The following MAP3K20 variants were observed in gnomAD, a reference collection of about 807,000 sequenced individuals.
The protein encoded by MAP3K20 is HCCS-4.
MAP3K20 carries 40 observed loss-of-function variants against 85.7 expected under a neutral mutation model. The observed-to-expected ratio is 0.47, with a 90% confidence interval of 0.36 to 0.61. The LOEUF (loss-of-function observed/expected upper bound fraction) is 0.61. Among genes scored for constraint, MAP3K20 ranks in the 20% least tolerant of loss-of-function variants. MAP3K20 has a pLI of 0.00. For synonymous variants in MAP3K20, 325 were observed against 327.7 expected, an observed-to-expected ratio of 0.99 and a Z score of 0.09; for missense variants, 817 against 961.7, an observed-to-expected ratio of 0.85 and a Z score of 1.99.
intron 16 of MAP3K20, 62 bp from the exon 17 acceptor site, chr2:173,258,637 T>C (rs530546320): frequency 1.1e-6 from 1 of 927,190 alleles, no homozygotes; most frequent in African/African-American, 1.7e-5. Context: ...TTAGGAAATA[T>C]TGAGACTAAA....
intron 7 of MAP3K20, among the ~76,000 whole-genome samples, chr2:173,191,581 A>G (rs1023989556): frequency 6.6e-6 from 1 of 152,208 alleles, no homozygotes; most frequent in African/African-American, 2.4e-5. Flanking sequence ...AAAATCACCA[A>G]TAGATCTGCC....
intron 1 of MAP3K20, among the ~76,000 whole-genome samples, chr2:173,076,219 C>A (rs1042038972): frequency 4.0e-5 from 6 of 151,690 alleles, no homozygotes; most frequent in African/African-American, 1.5e-4. Context: ...GCGTTCGCGG[C>A]GCCCGGGAAG....
intron 2 of MAP3K20, among the ~76,000 whole-genome samples, chr2:173,145,060 A>T (rs1436480564): frequency 6.6e-6 from 1 of 152,224 alleles, no homozygotes; most frequent in East Asian, 1.9e-4. Context: ...TGACTTCTTT[A>T]TACCAAATGC....
chr2:173,160,496 GTTTTGT>G (rs943624027), intron 2 of MAP3K20: 1 of 152,056 alleles, frequency 6.6e-6, no homozygotes, highest in Non-Finnish European at 1.5e-5. Context: ...GCAGCATTTT[GTTTTGT>G]TTTTGACTCA....
At chr2:173,175,823 AGAGTAGACT>A (rs1281823954) in intron 3 of MAP3K20, among the ~76,000 whole-genome samples, 2 of 152,166 alleles carry the variant, frequency 1.3e-5, no homozygotes, top group Non-Finnish European at 2.9e-5. Flanking sequence ...TAGATGGTGA[AGAGTAGACT>A]GAGAGAATCT....
chr2:173,188,278 T>TAACAGAATGCTTCTTCTGTTACATC (rs1690549038), intron 5 of MAP3K20, among the ~76,000 whole-genome samples: 1 of 152,190 alleles, frequency 6.6e-6, no homozygotes, highest in Non-Finnish European at 1.5e-5. Context: ...GTAGGAGTGG[T>TAACAGAATGCTTCTTCTGTTACATC]AACAGAATGC....
intron 2 of MAP3K20, among the ~76,000 whole-genome samples, chr2:173,133,168 A>G (rs1688664704): frequency 6.6e-6 from 1 of 152,216 alleles, no homozygotes; most frequent in South Asian, 2.1e-4. Flanking sequence ...AAAATTTTAG[A>G]AGATAGTTTA....
At chr2:173,237,327 C>G (rs1684677901) in intron 14 of MAP3K20, among the ~76,000 whole-genome samples, 2 of 152,022 alleles carry the variant, frequency 1.3e-5, no homozygotes, top group African/African-American at 4.8e-5. Context: ...GCACGCGGCC[C>G]CCACCCATTC....
Position 173,075,965 on chromosome 2 carries a change from C to G in MAP3K20, c.-72C>G. 1.0e-6 allele frequency: 1 copy of G among 985,114 alleles called. No individual in the cohort carries two copies. Among genetic ancestry groups the G allele is most frequent in the Non-Finnish European group, 1.2e-6 (1 of 829,872 alleles). The allele number at this position is 985,114 out of a possible 1,614,324, so 61.0% of individuals were successfully genotyped here. Reference sequence around the variant, plus strand: ...GCCCTCGTCGCGCGCGGGGCCTCCGCGCCCCCGGCTGCTGCTCACGCCCCG... The same window carrying G: ...GCCCTCGTCGCGCGCGGGGCCTCCGGGCCCCCGGCTGCTGCTCACGCCCCG... On this transcript the variant is annotated 5_prime_UTR_variant, in exon 1 of 20. Transcript: ENST00000375213.
chr2:173,261,516 C>CGGT (rs1558916754), intron 18 of MAP3K20, among the ~76,000 whole-genome samples: 1 of 152,034 alleles, frequency 6.6e-6, no homozygotes, highest in African/African-American at 2.4e-5. Flanking sequence ...TACGTAGACC[C>CGGT]GGTGGGAGTG....
intron 12 of MAP3K20, 90 bp from the exon 13 acceptor site, chr2:173,232,102 T>C: frequency 6.8e-7 from 1 of 1,472,686 alleles, no homozygotes; most frequent in Non-Finnish European, 9.4e-7. Flanking sequence ...TAAAGTTATT[T>C]TGATCTATTG....
rs937235577 is a variant in MAP3K20, at chr2:173,178,783, A to G, written c.248-4071A>G. Among the ~76,000 whole-genome samples, 26 of 152,240 alleles carry G rather than the reference A, an allele frequency of 1.7e-4. 1 individual carries two copies. The highest frequency in any genetic ancestry group is 1.7e-3 in the Admixed American group (26 of 15,284). ...CTTCCCATACTCTTTCAGAAAATAG[A>G]TGCCAATATTCTATATGAACAAGCA... On this transcript the variant is annotated intron_variant, in intron 3 of 19. Transcript: ENST00000375213.
At position 173,091,149 on chromosome 2, in the gene MAP3K20, A is replaced by G. The variant is rs1341498677; in HGVS notation, c.118A>G (p.Lys40Glu). Reference sequence around the variant, plus strand: ...TCGAGCCAAATGGATATCACAGGACAAGGAGGTGGCTGTAAAGAAGCTCCT... The same window carrying G: ...TCGAGCCAAATGGATATCACAGGACGAGGAGGTGGCTGTAAAGAAGCTCCT... Reference protein sequence around the residue: ...VYRAKWISQDKEVAVKKLLKI... With the variant: ...VYRAKWISQDEEVAVKKLLKI... The change falls in exon 2 of 20, where the codon AAG becomes GAG. Residue 40 changes from lysine to glutamate, a missense_variant. Coordinates refer to ENST00000375213, the MANE Select transcript of MAP3K20 (RefSeq NM_016653.3). The G allele has an allele frequency of 1.2e-6, 2 of 1,613,824 alleles. No homozygotes were observed. The highest frequency in any genetic ancestry group is 8.5e-7 in the Non-Finnish European group (1 of 1,179,934).
chr2:173,238,303 G>A lies in MAP3K20; in HGVS notation c.1204-70G>A, dbSNP rs1684699398. ...AGGTAAATAAGGAATGTTTTTGTTT[G>A]TACCCAATGATTTTAGTCTTCTCTT... On this transcript the variant is annotated intron_variant, in intron 14 of 19. Transcript: ENST00000375213. 25 of 1,342,784 alleles carry A rather than the reference G, an allele frequency of 1.9e-5. No homozygotes were observed. In the South Asian group the frequency reaches 3.0e-4, roughly 16 times the overall value. 83.2% of individuals were successfully genotyped at this position (1,342,784 alleles called of 1,614,324 possible).
At chr2:173,155,559 A>C (rs1376894131) in intron 2 of MAP3K20, among the ~76,000 whole-genome samples, 2 of 152,230 alleles carry the variant, frequency 1.3e-5, no homozygotes, top group African/African-American at 2.4e-5. Flanking sequence ...GATTGCTTTC[A>C]TCCTTTAGCT....
chr2:173,216,581 A>G (rs1200089975), intron 10 of MAP3K20, among the ~76,000 whole-genome samples: 1 of 152,006 alleles, frequency 6.6e-6, no homozygotes. Flanking sequence ...CTAATGTACT[A>G]TAACCACCAC....
At chr2:173,212,813 A>AG (rs1337506756) in intron 10 of MAP3K20, 2 of 151,572 alleles carry the variant, frequency 1.3e-5, no homozygotes, top group African/African-American at 2.4e-5. Flanking sequence ...AAAAAAAAAA[A>AG]AAAGAAAAGA....
chr2:173,250,359 TG>T (rs1685015302), intron 16 of MAP3K20, among the ~76,000 whole-genome samples: 1 of 152,144 alleles, frequency 6.6e-6, no homozygotes, highest in Non-Finnish European at 1.5e-5. Flanking sequence ...GGTGGTTTAG[TG>T]GAAAGAGAAC....
chr2:173,259,323 C>T (rs1008740761), intron 17 of MAP3K20, among the ~76,000 whole-genome samples: 3 of 151,974 alleles, frequency 2.0e-5, no homozygotes, highest in Non-Finnish European at 4.4e-5. Flanking sequence ...ACTCCAGGGT[C>T]AATGGTGGAA....
Sources: allele counts gnomAD v4.1 joint callset (sites outside exome capture counted in the v4.1 genomes callset), GRCh38; gene constraint gnomAD v4.1.1; transcripts MANE v1.5; gene names NCBI Gene and HGNC (gene_info 2026-07-23, HGNC 2026-07-21).